MARCHF5: variants seen among roughly 807,000 people sequenced by gnomAD.
MARCHF5 encodes membrane associated ring-CH-type finger 5.
In MARCHF5, 5 loss-of-function variants were observed where a neutral mutation model predicts 36.5. The observed-to-expected ratio is 0.14, with a 90% CI of 0.07 to 0.29. The LOEUF (loss-of-function observed/expected upper bound fraction) is 0.29, where lower values mean the gene tolerates loss of function less well. MARCHF5 is among the 10% of genes least tolerant of loss of function. The pLI, the probability that MARCHF5 is intolerant of heterozygous loss-of-function variation, is 1.00. For missense variants in MARCHF5, 179 were observed against 336.3 expected, an observed-to-expected ratio of 0.53 and a Z score of 3.66; for synonymous variants, 103 against 109.9, an observed-to-expected ratio of 0.94 and a Z score of 0.39.
chr10:92,342,206 A>G (rs765606097), intron 3 of MARCHF5, among the ~76,000 whole-genome samples: 11 of 149,974 alleles, frequency 7.3e-5, no homozygotes, highest in Non-Finnish European at 1.5e-4. Context: ...GCTGGAGTAC[A>G]GTGGCGCAAT....
At chr10:92,342,138 C>A (rs1034721501) in intron 3 of MARCHF5, among the ~76,000 whole-genome samples, 1 of 147,778 alleles carries the variant, frequency 6.8e-6, no homozygotes, top group South Asian at 2.2e-4. Context: ...TCTTCACCCC[C>A]CTCAATACTC....
intron 1 of MARCHF5, among the ~76,000 whole-genome samples, chr10:92,295,851 AT>A (rs986496289): frequency 9.2e-5 from 14 of 151,922 alleles, no homozygotes; most frequent in African/African-American, 3.1e-4. Flanking sequence ...ATACGTATAT[AT>A]ATACATACAT....
At chr10:92,327,799 C>T (rs1214784878) in intron 2 of MARCHF5, among the ~76,000 whole-genome samples, 5 of 151,964 alleles carry the variant, frequency 3.3e-5, no homozygotes, top group South Asian at 2.1e-4. Context: ...AGGAATATAT[C>T]GCAGTTTCAT....
At chr10:92,323,275 C>T (rs1332060383) in intron 2 of MARCHF5, among the ~76,000 whole-genome samples, 1 of 151,998 alleles carries the variant, frequency 6.6e-6, no homozygotes. Context: ...AACCATATGC[C>T]AGCCTCCACC....
At chr10:92,293,372 G>A (rs1275823096) in intron 1 of MARCHF5, among the ~76,000 whole-genome samples, 1 of 152,036 alleles carries the variant, frequency 6.6e-6, no homozygotes, top group African/African-American at 2.4e-5. Context: ...CCAAAGTGCT[G>A]GATTGTCAGG....
intron 2 of MARCHF5, among the ~76,000 whole-genome samples, chr10:92,320,351 C>G (rs930836718): frequency 1.3e-5 from 2 of 152,028 alleles, no homozygotes; most frequent in African/African-American, 4.8e-5. Context: ...TCCACCATAC[C>G]CAACCACTTG....
chr10:92,317,138 A>G (rs951084426), intron 2 of MARCHF5, among the ~76,000 whole-genome samples: 1 of 152,068 alleles, frequency 6.6e-6, no homozygotes, highest in Non-Finnish European at 1.5e-5. Flanking sequence ...CGGATCTCGC[A>G]CTGTCATCTA....
At chr10:92,332,642 T>C (rs1843450396) in intron 2 of MARCHF5, among the ~76,000 whole-genome samples, 1 of 147,250 alleles carries the variant, frequency 6.8e-6, no homozygotes, top group South Asian at 2.2e-4. Context: ...TACCTCAGCC[T>C]CCCAAGTAGC....
chr10:92,340,038 G>GTTAC (rs1439878340), intron 2 of MARCHF5, among the ~76,000 whole-genome samples: 4 of 152,096 alleles, frequency 2.6e-5, no homozygotes, highest in Non-Finnish European at 4.4e-5. Context: ...AATGGCCCTG[G>GTTAC]TTACCTTTAT....
chr10:92,326,926 G>A (rs2135200908), intron 2 of MARCHF5, among the ~76,000 whole-genome samples: 1 of 152,194 alleles, frequency 6.6e-6, no homozygotes, highest in African/African-American at 2.4e-5. Flanking sequence ...CAGCCATGGT[G>A]CCAAGTAAGT....
intron 1 of MARCHF5, among the ~76,000 whole-genome samples, chr10:92,308,242 A>G (rs759412369): frequency 6.6e-6 from 1 of 151,924 alleles, no homozygotes; most frequent in African/African-American, 2.4e-5. Flanking sequence ...CGCCCAGCCT[A>G]TGCTTCCCCT....
Position 92,327,276 on chromosome 10 carries a change from G to A in MARCHF5, c.239-13397G>A, listed in dbSNP as rs140241567. 7.4e-3 allele frequency among the ~76,000 whole-genome samples: 1,087 copies of A among 147,388 alleles called. 16 individuals are homozygous for A. Among genetic ancestry groups the A allele is most frequent in the African/African-American group, 0.025 (1,011 of 40,018 alleles). On this transcript the variant is annotated intron_variant, in intron 2 of 5. Coordinates refer to ENST00000358935, the MANE Select transcript of MARCHF5 (RefSeq NM_017824.5). Reference sequence around the variant, plus strand: ...TTTTTTTTTTTCTTAGCAGTATATCGTAGATACCATTTTGTATTCATATAT... The same window carrying A: ...TTTTTTTTTTTCTTAGCAGTATATCATAGATACCATTTTGTATTCATATAT...
At chr10:92,320,231 AT>A (rs1215308225) in intron 2 of MARCHF5, among the ~76,000 whole-genome samples, 1 of 144,516 alleles carries the variant, frequency 6.9e-6, no homozygotes, top group Non-Finnish European at 1.5e-5. Flanking sequence ...TTTTTTTTTT[AT>A]TTTTTGTAGA....
At chr10:92,349,904 G>A (rs1843697532) in intron 5 of MARCHF5, 67 bp downstream of exon 5, 1 of 1,330,090 alleles carries the variant, frequency 7.5e-7, no homozygotes, top group Non-Finnish European at 1.1e-6. Context: ...GTTTTTAAAA[G>A]GTGGGGAACT....
intron 3 of MARCHF5, among the ~76,000 whole-genome samples, chr10:92,341,926 A>G (rs1843585149): frequency 6.6e-6 from 1 of 151,468 alleles, no homozygotes; most frequent in African/African-American, 2.4e-5. Context: ...AGTAGCTGGA[A>G]CTATGGGTGT....
intron 3 of MARCHF5, among the ~76,000 whole-genome samples, chr10:92,346,940 G>A (rs985688808): frequency 1.3e-5 from 2 of 151,912 alleles, no homozygotes; most frequent in African/African-American, 4.8e-5. Flanking sequence ...ACCCGACAAA[G>A]GATTTTTTCA....
chr10:92,291,333 C>G lies in MARCHF5; in HGVS notation c.-162C>G, dbSNP rs1470392720. On this transcript the variant is annotated 5_prime_UTR_variant, in exon 1 of 6. Coordinates refer to ENST00000358935, the MANE Select transcript of MARCHF5 (RefSeq NM_017824.5). ...CCGCCGGACTCCCGCAGGCCCTGCA[C>G]CGCCGCCGCCAGGCTAGCGGAGCTG... 3.0e-6 allele frequency: 2 copies of G among 674,568 alleles called. No individual in the cohort carries two copies. The highest frequency in any genetic ancestry group is 6.2e-5 in the East Asian group (2 of 32,100). The allele number at this position is 674,568 out of a possible 1,614,324, so 41.8% of individuals were successfully genotyped here.
rs532819455 is a variant in MARCHF5 at position 92,303,542 on chromosome 10, C to T, written c.36-7593C>T. ...GGTATAGTGGTTTTTTTGTGATCCT[C>T]GTATGCATGTTTGTTCGTTAACTAG... is the stretch of plus-strand genomic sequence containing the variant. On this transcript the variant is annotated intron_variant, in intron 1 of 5. Coordinates refer to ENST00000358935, the MANE Select transcript of MARCHF5 (RefSeq NM_017824.5). Among the ~76,000 whole-genome samples, 15 of 152,026 alleles carry T rather than the reference C, an allele frequency of 9.9e-5. No individual in the cohort carries two copies. The South Asian group carries it at 2.7e-3, about 27-fold the overall frequency.
rs540294473 is a variant in MARCHF5, at chr10:92,310,764, A to T, written c.36-371A>T. Reference sequence around the variant, plus strand: ...GGTGGTGAACTGGGGAGAACACTGAATTTAATATATTACTGTGCTTACTAT... The same window carrying T: ...GGTGGTGAACTGGGGAGAACACTGATTTTAATATATTACTGTGCTTACTAT... On this transcript the variant is annotated intron_variant, in intron 1 of 5. Coordinates refer to ENST00000358935, the MANE Select transcript of MARCHF5 (RefSeq NM_017824.5). Among the ~76,000 whole-genome samples the T allele has an allele frequency of 2.1e-3, 321 of 152,306 alleles. 1 individual carries two copies. The highest frequency in any genetic ancestry group is 6.6e-3 in the South Asian group (32 of 4,832).
Sources: gnomAD v4.1 joint callset for allele counts (sites outside exome capture counted in the v4.1 genomes callset) on GRCh38, gnomAD v4.1.1 for gene constraint, MANE v1.5 for transcripts, NCBI Gene and HGNC (gene_info 2026-07-23, HGNC 2026-07-21) for gene names.